The following KCNIP4 variants were observed in gnomAD, a reference collection of about 807,000 sequenced individuals.
KCNIP4 encodes potassium voltage-gated channel interacting protein 4.
KCNIP4 carries 12 observed loss-of-function variants against 34.0 expected under a neutral mutation model. The observed-to-expected ratio is 0.35, with a 90% CI of 0.23 to 0.57. The LOEUF (loss-of-function observed/expected upper bound fraction) is 0.57, where lower values mean the gene tolerates loss of function less well. Among genes scored for constraint, KCNIP4 ranks in the 20% least tolerant of loss-of-function variants. The probability of loss-of-function intolerance (pLI) is 0.83; values close to 1 mark genes in which losing one functional copy is unlikely to be tolerated. For synonymous variants in KCNIP4, 124 were observed against 102.2 expected, an observed-to-expected ratio of 1.21 and a Z score of -1.29; for missense variants, 238 against 311.7, an observed-to-expected ratio of 0.76 and a Z score of 1.78.
At chr4:21,931,829 T>C (rs950161615) in intron 1 of KCNIP4, among the ~76,000 whole-genome samples, 2 of 152,134 alleles carry the variant, frequency 1.3e-5, no homozygotes, top group African/African-American at 4.8e-5. Context: ...GTATTTCTAG[T>C]TCTAGATCCC....
At chr4:21,344,380 T>C (rs1388895007) in intron 1 of KCNIP4, among the ~76,000 whole-genome samples, 6 of 152,146 alleles carry the variant, frequency 3.9e-5, no homozygotes, top group Admixed American at 3.3e-4. Context: ...CCTGGAGCCA[T>C]CTGTGGATGT....
At chr4:21,777,189 C>T (rs1181523761) in intron 1 of KCNIP4, among the ~76,000 whole-genome samples, 1 of 152,172 alleles carries the variant, frequency 6.6e-6, no homozygotes, top group East Asian at 1.9e-4. Context: ...TGTAAGTTTC[C>T]TGAGGCTTCT....
chr4:20,739,325 C>T (rs376487960), intron 5 of KCNIP4, among the ~76,000 whole-genome samples: 1 of 152,174 alleles, frequency 6.6e-6, no homozygotes, highest in Non-Finnish European at 1.5e-5. Context: ...CTGGGAAACA[C>T]CTCCTAGTAG....
chr4:21,762,218 C>T (rs996517565), intron 1 of KCNIP4, among the ~76,000 whole-genome samples: 1 of 151,936 alleles, frequency 6.6e-6, no homozygotes, highest in African/African-American at 2.4e-5. Flanking sequence ...ATATATTCAA[C>T]TCAATATATT....
At chr4:21,700,963 T>A (rs1712786788) in intron 1 of KCNIP4, among the ~76,000 whole-genome samples, 1 of 152,142 alleles carries the variant, frequency 6.6e-6, no homozygotes, top group Admixed American at 6.6e-5. Context: ...CCATGTTCAT[T>A]TCATCATGAT....
At chr4:20,895,427 G>T (rs1427507805) in intron 1 of KCNIP4, among the ~76,000 whole-genome samples, 1 of 152,102 alleles carries the variant, frequency 6.6e-6, no homozygotes, top group African/African-American at 2.4e-5. Context: ...TCTGAAAAAT[G>T]GGGCTAATAA....
At chr4:21,642,679 G>A (rs1746700255) in intron 1 of KCNIP4, among the ~76,000 whole-genome samples, 1 of 151,956 alleles carries the variant, frequency 6.6e-6, no homozygotes, top group Non-Finnish European at 1.5e-5. Flanking sequence ...TCTAGCAGAA[G>A]ACACAACACA....
rs71191533 is a variant in KCNIP4, at chr4:21,683,446, A to ATTTTTTTTTTTTTTTTTTTTTTTTTTT, written c.61+265098_61+265124dup. Among the ~76,000 whole-genome samples, 8 of 46,614 alleles carry ATTTTTTTTTTTTTTTTTTTTTTTTTTT rather than the reference A, an allele frequency of 1.7e-4. 3 individuals carry two copies. The highest frequency in any genetic ancestry group is 2.9e-4 in the Non-Finnish European group (7 of 24,002). 30.6% of individuals were successfully genotyped at this position (46,614 alleles called of 152,430 possible). On this transcript the variant is annotated intron_variant, in intron 1 of 8. Transcript: ENST00000382152. ...TACGACTAATGATTGGTGAAGCCAG[A>ATTTTTTTTTTTTTTTTTTTTTTTTTTT]TTTTTTTTTTTTTTTTTTTTTTTTT...
chr4:21,362,247 G>T (rs1330046771), intron 1 of KCNIP4, among the ~76,000 whole-genome samples: 1 of 152,222 alleles, frequency 6.6e-6, no homozygotes, highest in African/African-American at 2.4e-5. Flanking sequence ...TTATGCAGAT[G>T]AACCCTGTAT....
intron 1 of KCNIP4, among the ~76,000 whole-genome samples, chr4:20,956,725 A>T (rs370741811): frequency 6.6e-6 from 1 of 152,300 alleles, no homozygotes; most frequent in East Asian, 1.9e-4. Flanking sequence ...TTTAAATTTG[A>T]CTTTAAGCAT....
At chr4:20,850,496 C>T (rs771766098) in intron 3 of KCNIP4, 47 bp downstream of exon 3, 2 of 1,591,508 alleles carry the variant, frequency 1.3e-6, no homozygotes, top group African/African-American at 1.3e-5. Flanking sequence ...TTTCTCAATG[C>T]TCCTCTGGGA....
intron 1 of KCNIP4, among the ~76,000 whole-genome samples, chr4:21,648,830 C>T (rs1001425652): frequency 2.0e-5 from 3 of 152,122 alleles, no homozygotes; most frequent in South Asian, 2.1e-4. Flanking sequence ...GTAGAGGCCC[C>T]GCACATCATA....
chr4:21,637,577 A>G (rs35972679), intron 1 of KCNIP4, among the ~76,000 whole-genome samples: 28,999 of 151,848 alleles, frequency 0.19, 2,977 homozygotes, highest in South Asian at 0.3. Context: ...GCGGATAGGC[A>G]TTCAAGACCA....
intron 1 of KCNIP4, among the ~76,000 whole-genome samples, chr4:21,271,241 C>A (rs1762129133): frequency 6.6e-6 from 1 of 151,982 alleles, no homozygotes; most frequent in Admixed American, 6.6e-5. Flanking sequence ...TTAACCAAAC[C>A]AAAGTTTATT....
intron 1 of KCNIP4, among the ~76,000 whole-genome samples, chr4:21,050,081 C>T (rs1742792211): frequency 6.6e-6 from 1 of 152,078 alleles, no homozygotes; most frequent in African/African-American, 2.4e-5. Context: ...AGCTTGAGTC[C>T]CAGTTACCCA....
At chr4:21,562,011 G>A (rs1460817145) in intron 1 of KCNIP4, among the ~76,000 whole-genome samples, 1 of 151,814 alleles carries the variant, frequency 6.6e-6, no homozygotes, top group African/African-American at 2.4e-5. Context: ...ATAGAATTCT[G>A]GGACTTTTCC....
intron 1 of KCNIP4, among the ~76,000 whole-genome samples, chr4:21,925,650 A>G (rs950095009): frequency 2.0e-5 from 3 of 152,074 alleles, no homozygotes; most frequent in African/African-American, 7.2e-5. Context: ...ACTTCTTCCA[A>G]TTAAATGTTA....
chr4:21,235,651 A>G (rs1454694639), intron 1 of KCNIP4, among the ~76,000 whole-genome samples: 8 of 152,204 alleles, frequency 5.3e-5, no homozygotes, highest in African/African-American at 1.4e-4. Flanking sequence ...CTAACAGCGT[A>G]TCATAAACTG....
chr4:21,920,711 A>G (rs909390714), intron 1 of KCNIP4, among the ~76,000 whole-genome samples: 1 of 152,202 alleles, frequency 6.6e-6, no homozygotes, highest in Non-Finnish European at 1.5e-5. Context: ...GGACTTGAGC[A>G]TCCATGGATT....
Sources: gnomAD v4.1 joint callset for allele counts (sites outside exome capture counted in the v4.1 genomes callset) on GRCh38, gnomAD v4.1.1 for gene constraint, MANE v1.5 for transcripts, NCBI Gene and HGNC (gene_info 2026-07-23, HGNC 2026-07-21) for gene names.